Variants in MCC observed in about 807,000 individuals in gnomAD.
MCC encodes MCC regulator of Wnt signaling pathway, also known as colorectal mutant cancer protein.
In MCC, 90 loss-of-function variants were observed where a neutral mutation model predicts 116.2. That is an observed-to-expected ratio of 0.77 (90% confidence interval 0.65 to 0.92). The LOEUF is 0.92. MCC is among the 40% of genes least tolerant of loss of function. MCC has a pLI of 0.00. For missense variants in MCC, 1,516 were observed against 1,312.2 expected (o/e 1.16, Z -2.40); for synonymous variants, 578 against 510.5 (o/e 1.13, Z -1.78).
At chr5:113,379,848 G>A (rs1769073258) in intron 2 of MCC, among the ~76,000 whole-genome samples, 1 of 152,040 alleles carries the variant, frequency 6.6e-6, no homozygotes. Context: ...AATTAAGTGT[G>A]GAAAATGCTT....
At chr5:113,464,635 T>A (rs922090364) in intron 1 of MCC, among the ~76,000 whole-genome samples, 1 of 152,164 alleles carries the variant, frequency 6.6e-6, no homozygotes, top group African/African-American at 2.4e-5. Context: ...TCTCACCTCC[T>A]GTCCCATGTA....
chr5:113,292,816 AGTTTTGGG>A (rs1420496693), intron 3 of MCC, among the ~76,000 whole-genome samples: 8 of 152,196 alleles, frequency 5.3e-5, no homozygotes, highest in Non-Finnish European at 8.8e-5. Context: ...AAATGCCTTC[AGTTTTGGG>A]GTTTTCAATG....
In MCC at chr5:113,024,646, T is replaced by C. The variant is rs1005535873; in HGVS notation, c.*2656A>G. The C allele has an allele frequency of 6.6e-6, 1 of 152,182 alleles. No individual in the cohort carries two copies. Among genetic ancestry groups the C allele is most frequent in the Non-Finnish European group, 1.5e-5 (1 of 68,024 alleles). The allele number at this position is 152,182 out of a possible 1,614,324, so 9.4% of individuals were successfully genotyped here. On this transcript the variant is annotated 3_prime_UTR_variant, in exon 19 of 19. Transcript: ENST00000408903. ...CTCATATAAATTAGAATCAAGATCATTGTTTACCCTCATTGGAGATGTTTG... is the reference window on the plus strand; with the variant it reads ...CTCATATAAATTAGAATCAAGATCACTGTTTACCCTCATTGGAGATGTTTG...
Position 113,049,288 on chromosome 5 carries a change from G to C in MCC, c.2460C>G (p.Ala820=). 1 of 1,596,136 alleles carries C rather than the reference G, an allele frequency of 6.3e-7. No homozygotes were observed. Among genetic ancestry groups the C allele is most frequent in the South Asian group, 1.1e-5 (1 of 89,044 alleles). ...QELMAMKEEM[A]ELKAQLYLLE... ...GTAGGTAGAGCTGGGCCTTCAACTCGGCCATCTCCTCCTACAGACAAAGGA... is the reference window on the plus strand; with the variant it reads ...GTAGGTAGAGCTGGGCCTTCAACTCCGCCATCTCCTCCTACAGACAAAGGA... The change falls in exon 16 of 19, where the codon GCC becomes GCG. Residue 820 remains alanine (A), a synonymous_variant. Coordinates refer to ENST00000408903, the MANE Select transcript of MCC (RefSeq NM_001085377.2).
chr5:113,359,667 T>G (rs375641867), intron 2 of MCC, among the ~76,000 whole-genome samples: 26 of 152,362 alleles, frequency 1.7e-4, no homozygotes, highest in African/African-American at 5.8e-4. Flanking sequence ...TATCTTGGTT[T>G]GTCTAAACTA....
chr5:113,027,984 A>G (rs1178695635), intron 18 of MCC, among the ~76,000 whole-genome samples: 1 of 152,202 alleles, frequency 6.6e-6, no homozygotes, highest in Non-Finnish European at 1.5e-5. Flanking sequence ...AAATTAGGCC[A>G]TAAGCCAATG....
intron 12 of MCC, 31 bp from the exon 13 acceptor site, chr5:113,068,214 T>C (rs1753761289): frequency 1.3e-6 from 2 of 1,557,338 alleles, no homozygotes; most frequent in Non-Finnish European, 1.8e-6. Flanking sequence ...CCTCAGCCCT[T>C]GCAGAGAACA....
chr5:113,172,879 T>G (rs1286346963), intron 3 of MCC, among the ~76,000 whole-genome samples: 1 of 152,040 alleles, frequency 6.6e-6, no homozygotes, highest in Non-Finnish European at 1.5e-5. Flanking sequence ...ATCACATATT[T>G]TTTTTTTGCC....
chr5:113,412,691 T>G lies in MCC; in HGVS notation c.171-27479A>C, dbSNP rs142410770. 2.1e-4 allele frequency among the ~76,000 whole-genome samples: 32 copies of G among 152,370 alleles called. No individual in the cohort carries two copies. The East Asian group carries it at 6.2e-3, about 29-fold the overall frequency. On this transcript the variant is annotated intron_variant, in intron 1 of 18. Coordinates refer to ENST00000408903, the MANE Select transcript of MCC (RefSeq NM_001085377.2). ...TTTGGGCTGAGATGATGGGGTTTTC[T>G]AAATATGCAATCATGTCATCTGTAA...
intron 3 of MCC, among the ~76,000 whole-genome samples, chr5:113,215,041 G>C (rs534489138): frequency 7.1e-5 from 10 of 141,626 alleles, no homozygotes; most frequent in African/African-American, 3.2e-4. Context: ...TCCCTTACCT[G>C]GAACACAATC....
intron 2 of MCC, among the ~76,000 whole-genome samples, chr5:113,350,293 TTACAC>T (rs1768237082): frequency 1.3e-5 from 2 of 152,110 alleles, no homozygotes; most frequent in South Asian, 4.1e-4. Context: ...TGACTTCCAA[TTACAC>T]TACAGAGCTA....
intron 2 of MCC, among the ~76,000 whole-genome samples, chr5:113,343,202 T>C (rs895012014): frequency 6.6e-6 from 1 of 152,182 alleles, no homozygotes; most frequent in African/African-American, 2.4e-5. Flanking sequence ...CTTCAGATGG[T>C]TTCCCCTTAC....
chr5:113,241,417 C>T (rs923168324), intron 3 of MCC, among the ~76,000 whole-genome samples: 18 of 152,184 alleles, frequency 1.2e-4, no homozygotes, highest in Non-Finnish European at 1.8e-4. Context: ...AAAGAACCTA[C>T]GGAGGAGATA....
chr5:113,388,368 T>G (rs905344654), intron 1 of MCC, among the ~76,000 whole-genome samples: 1 of 152,202 alleles, frequency 6.6e-6, no homozygotes, highest in African/African-American at 2.4e-5. Flanking sequence ...GAATTACAAT[T>G]ATCCCCTGAT....
chr5:113,094,774 A>G (rs1755903827), intron 8 of MCC, among the ~76,000 whole-genome samples: 1 of 152,200 alleles, frequency 6.6e-6, no homozygotes, highest in East Asian at 1.9e-4. Flanking sequence ...TTCTTTCATG[A>G]CAGCCAAGAG....
intron 8 of MCC, among the ~76,000 whole-genome samples, chr5:113,094,721 A>G (rs1428183490): frequency 6.6e-6 from 1 of 152,176 alleles, no homozygotes; most frequent in Non-Finnish European, 1.5e-5. Flanking sequence ...CTCCCGGCCA[A>G]TGTTCCTAAT....
chr5:113,186,533 C>T (rs1015033452), intron 3 of MCC, among the ~76,000 whole-genome samples: 1 of 152,214 alleles, frequency 6.6e-6, no homozygotes, highest in Non-Finnish European at 1.5e-5. Context: ...TCCTAGTCTA[C>T]TTCATCTATT....
At chr5:113,197,317 T>C (rs1361529638) in intron 3 of MCC, among the ~76,000 whole-genome samples, 3 of 152,162 alleles carry the variant, frequency 2.0e-5, no homozygotes, top group East Asian at 1.9e-4. Flanking sequence ...GATAGGTGAC[T>C]GCTTGGGCTA....
At chr5:113,365,409 C>A (rs1415994532) in intron 2 of MCC, among the ~76,000 whole-genome samples, 2 of 152,196 alleles carry the variant, frequency 1.3e-5, no homozygotes, top group Non-Finnish European at 2.9e-5. Context: ...CTGTCTGAGA[C>A]CTTATTACCC....
Sources: gnomAD v4.1 joint callset for allele counts (sites outside exome capture counted in the v4.1 genomes callset) on GRCh38, gnomAD v4.1.1 for gene constraint, MANE v1.5 for transcripts, NCBI Gene and HGNC (gene_info 2026-07-23, HGNC 2026-07-21) for gene names.